Variants in ABI2 observed in about 807,000 individuals in gnomAD.
The protein encoded by ABI2 is abelson interactor 2.
ABI2 carries 25 observed loss-of-function variants against 59.2 expected under a neutral mutation model. That is an observed-to-expected ratio of 0.42 (90% CI 0.31 to 0.59). ABI2 has a LOEUF of 0.59. Among genes scored for constraint, ABI2 ranks in the 20% least tolerant of loss-of-function variants. The pLI is 0.14. For synonymous variants in ABI2, 213 were observed against 235.5 expected, an observed-to-expected ratio of 0.90 and a Z score of 0.87; for missense variants, 545 against 681.8, an observed-to-expected ratio of 0.80 and a Z score of 2.23.
At chr2:203,347,556 A>T (rs146253179) in intron 1 of ABI2, among the ~76,000 whole-genome samples, 1 of 152,228 alleles carries the variant, frequency 6.6e-6, no homozygotes, top group African/African-American at 2.4e-5. Context: ...GCGTTTATCA[A>T]TCTCCACCAT....
chr2:203,414,775 G>T (rs943308874), intron 10 of ABI2, among the ~76,000 whole-genome samples: 1 of 152,140 alleles, frequency 6.6e-6, no homozygotes, highest in Admixed American at 6.5e-5. Flanking sequence ...TTGGAGTTCA[G>T]GTGCTTTTCC....
rs745349093 is a variant in ABI2 at position 203,366,857 on chromosome 2, T to C, written c.118-20T>C. On this transcript the variant is annotated intron_variant, in intron 1 of 11. Coordinates refer to ENST00000261018, the MANE Select transcript of ABI2 (RefSeq NM_001375670.1). The stretch of plus-strand genomic sequence containing the variant: ...GGGTTATTTTTGAATTAATGATCAC[T>C]GGTTTGTTTTTTTTCCCAGTCAGCA... 1.8e-5 allele frequency: 27 copies of C among 1,524,902 alleles called. No individual in the cohort carries two copies. The highest frequency in any genetic ancestry group is 2.2e-5 in the Non-Finnish European group (25 of 1,130,394). 94.5% of individuals were successfully genotyped at this position (1,524,902 alleles called of 1,614,324 possible). A position where few individuals can be genotyped will look rare whatever the true frequency, so the allele number is the denominator to read the frequency against.
chr2:203,338,908 C>CTGTGTGTGTGTGTGTG lies in ABI2; in HGVS notation c.117+10283_117+10298dup, dbSNP rs148766477. 3.9e-4 allele frequency among the ~76,000 whole-genome samples: 25 copies of CTGTGTGTGTGTGTGTG among 64,024 alleles called. 1 individual carries two copies. The highest frequency in any genetic ancestry group is 1.9e-3 in the African/African-American group (25 of 13,260). 42.0% of individuals were successfully genotyped at this position (64,024 alleles called of 152,430 possible). Reference sequence around the variant, plus strand: ...CATCTATCTGATAAGGGGTTTATATCTGTGTGTGTGTGTGTGTGTGTATAT... The same window carrying CTGTGTGTGTGTGTGTG: ...CATCTATCTGATAAGGGGTTTATATCTGTGTGTGTGTGTGTGTGTGTGTGTGTGTGTGTGTGTATAT... On this transcript the variant is annotated intron_variant, in intron 1 of 11. Coordinates refer to ENST00000261018, the MANE Select transcript of ABI2 (RefSeq NM_001375670.1).
At chr2:203,378,447 A>T (rs542414403) in intron 2 of ABI2, among the ~76,000 whole-genome samples, 3 of 152,138 alleles carry the variant, frequency 2.0e-5, no homozygotes, top group Non-Finnish European at 4.4e-5. Flanking sequence ...AAATTGTAAG[A>T]TTACTACCAT....
chr2:203,378,396 C>T (rs1231319010), intron 2 of ABI2, among the ~76,000 whole-genome samples: 1 of 152,198 alleles, frequency 6.6e-6, no homozygotes, highest in Non-Finnish European at 1.5e-5. Flanking sequence ...TAGGCGTGAG[C>T]CACCATGCCT....
rs2094513698 is a variant in ABI2 at position 203,367,058 on chromosome 2, A to ATT, written c.285+17_285+18dup. On this transcript the variant is annotated intron_variant, in intron 2 of 11. Coordinates refer to ENST00000261018, the MANE Select transcript of ABI2 (RefSeq NM_001375670.1). ...CATATTTCACAAGTGAGACCACAAT[A>ATT]TTTTCCTATTTGCCTATGAGGAACC... 1.1e-5 allele frequency: 17 copies of ATT among 1,604,318 alleles called. No individual in the cohort carries two copies. Among genetic ancestry groups the ATT allele is most frequent in the Non-Finnish European group, 1.4e-5 (17 of 1,174,182 alleles).
rs141979360 is a variant in ABI2, at chr2:203,420,908, C to T, written c.1453+3827C>T. The stretch of plus-strand genomic sequence containing the variant: ...AGGGCCTTCCAAGCTGAGGGAATCA[C>T]GTGAGTGAGAGGGCATGGCTGTTTG... On this transcript the variant is annotated intron_variant, in intron 11 of 11. Coordinates refer to ENST00000261018, the MANE Select transcript of ABI2 (RefSeq NM_001375670.1). 3.3e-3 allele frequency among the ~76,000 whole-genome samples: 365 copies of T among 109,350 alleles called. 1 individual carries two copies. Among genetic ancestry groups the T allele is most frequent in the Middle Eastern group, 0.021 (3 of 140 alleles). 71.7% of individuals were successfully genotyped at this position (109,350 alleles called of 152,430 possible).
intron 11 of ABI2, among the ~76,000 whole-genome samples, chr2:203,423,715 C>T (rs1388617203): frequency 6.6e-6 from 1 of 152,112 alleles, no homozygotes; most frequent in Non-Finnish European, 1.5e-5. Context: ...GCCACCGCGC[C>T]CAGCCCAATC....
At chr2:203,392,374 C>T (rs1030243313) in intron 5 of ABI2, among the ~76,000 whole-genome samples, 1 of 141,568 alleles carries the variant, frequency 7.1e-6, no homozygotes, top group Non-Finnish European at 1.5e-5. Context: ...AAAACCGAAA[C>T]CCAATCAAGC....
intron 1 of ABI2, among the ~76,000 whole-genome samples, chr2:203,330,581 A>G (rs912142926): frequency 1.3e-5 from 2 of 152,140 alleles, no homozygotes; most frequent in African/African-American, 4.8e-5. Flanking sequence ...GGACTGGAGG[A>G]AGCAATGCTG....
chr2:203,395,215 T>C, intron 6 of ABI2: 1 of 588,634 alleles, frequency 1.7e-6, no homozygotes, highest in Non-Finnish European at 3.0e-6. Context: ...TGATTATTAA[T>C]TAAAATTACT....
At chr2:203,394,430 G>A in intron 5 of ABI2, 1 of 380,794 alleles carries the variant, frequency 2.6e-6, no homozygotes, top group East Asian at 5.2e-5. Context: ...GGCTTAAATG[G>A]TAGAGAACCT....
At chr2:203,408,555 C>T (rs894021916) in intron 9 of ABI2, among the ~76,000 whole-genome samples, 1 of 151,728 alleles carries the variant, frequency 6.6e-6, no homozygotes, top group Non-Finnish European at 1.5e-5. Flanking sequence ...AAAAAAACCT[C>T]AGTCTACCCA....
chr2:203,338,300 A>G (rs1054117238), intron 1 of ABI2, among the ~76,000 whole-genome samples: 3 of 152,212 alleles, frequency 2.0e-5, no homozygotes, highest in Admixed American at 1.3e-4. Flanking sequence ...CTGAAATTAT[A>G]AAACTCTTTG....
chr2:203,423,070 A>G (rs955500904), intron 11 of ABI2, among the ~76,000 whole-genome samples: 14 of 152,326 alleles, frequency 9.2e-5, no homozygotes, highest in Admixed American at 6.5e-4. Flanking sequence ...CTTAATTGTT[A>G]GGTGTGGTTG....
chr2:203,351,947 C>T (rs1331178269), intron 1 of ABI2, among the ~76,000 whole-genome samples: 1 of 152,178 alleles, frequency 6.6e-6, no homozygotes, highest in Non-Finnish European at 1.5e-5. Context: ...CTGAAAAATT[C>T]CTAACACCTA....
chr2:203,385,307 A>G (rs1559293687), intron 4 of ABI2, among the ~76,000 whole-genome samples: 1 of 149,430 alleles, frequency 6.7e-6, no homozygotes, highest in South Asian at 2.1e-4. Flanking sequence ...AATTTTTTGT[A>G]TTTTTAGTAG....
At chr2:203,423,182 A>G (rs1296697432) in intron 11 of ABI2, among the ~76,000 whole-genome samples, 1 of 152,082 alleles carries the variant, frequency 6.6e-6, no homozygotes, top group African/African-American at 2.4e-5. Context: ...TTGTTATTTT[A>G]GTATCACCTT....
intron 1 of ABI2, among the ~76,000 whole-genome samples, chr2:203,330,380 G>A (rs1385126223): frequency 1.6e-5 from 2 of 126,928 alleles, no homozygotes; most frequent in Non-Finnish European, 3.2e-5. Flanking sequence ...CGATAAGAGT[G>A]AGACTACATA....
Sources: allele counts gnomAD v4.1 joint callset (sites outside exome capture counted in the v4.1 genomes callset), GRCh38; gene constraint gnomAD v4.1.1; transcripts MANE v1.5; gene names NCBI Gene and HGNC (gene_info 2026-07-23, HGNC 2026-07-21).